Variants in CCSER1 observed in about 807,000 individuals in gnomAD.
CCSER1 encodes coiled-coil serine rich protein 1, also known as serine-rich coiled-coil domain-containing protein 1.
A neutral mutation model predicts 82.0 loss-of-function variants in CCSER1; 41 were observed. The observed-to-expected ratio is 0.50, with a 90% CI of 0.39 to 0.65. The LOEUF is 0.65. Ranked by LOEUF, CCSER1 falls within the 30% of genes least tolerant of loss-of-function variation. The pLI is 0.00. For missense variants in CCSER1, 1,119 were observed against 1,064.2 expected (o/e 1.05, Z -0.72); for synonymous variants, 414 against 383.9 (o/e 1.08, Z -0.92).
chr4:91,245,661 T>G (rs2063591844), intron 10 of CCSER1, among the ~76,000 whole-genome samples: 1 of 152,146 alleles, frequency 6.6e-6, no homozygotes, highest in Admixed American at 6.5e-5. Flanking sequence ...TATTTCAATC[T>G]GAAAGAAAAC....
At chr4:90,741,693 T>A (rs1465449352) in intron 7 of CCSER1, among the ~76,000 whole-genome samples, 1 of 152,244 alleles carries the variant, frequency 6.6e-6, no homozygotes. Context: ...TTTCAAATAT[T>A]ACTTCACAGT....
At chr4:91,370,765 G>T (rs1284755975) in intron 10 of CCSER1, among the ~76,000 whole-genome samples, 1 of 152,076 alleles carries the variant, frequency 6.6e-6, no homozygotes, top group Non-Finnish European at 1.5e-5. Flanking sequence ...CGGCACATGA[G>T]ATATTTTGAC....
intron 10 of CCSER1, among the ~76,000 whole-genome samples, chr4:91,341,465 G>GA (rs1011873793): frequency 1.3e-5 from 2 of 152,234 alleles, no homozygotes; most frequent in African/African-American, 2.4e-5. Flanking sequence ...TTCTGATAGA[G>GA]AAAAAAATTG....
chr4:90,267,323 A>T (rs1303731812), intron 1 of CCSER1, among the ~76,000 whole-genome samples: 1 of 152,112 alleles, frequency 6.6e-6, no homozygotes, highest in Admixed American at 6.5e-5. Flanking sequence ...GCTCAGCCAC[A>T]GTAGAACAGA....
Position 90,231,151 on chromosome 4 carries a change from C to T in CCSER1, c.-41-77093C>T, listed in dbSNP as rs537494285. ...GCCAGCATCATCCTGATAGCAAAGC[C>T]GGGCAGAGACACAACCAAAAAAGAC... On this transcript the variant is annotated intron_variant, in intron 1 of 10. Coordinates refer to ENST00000509176, the MANE Select transcript of CCSER1 (RefSeq NM_001145065.2). Among the ~76,000 whole-genome samples the T allele has an allele frequency of 1.6e-3, 240 of 152,052 alleles. 2 individuals are homozygous for T. The highest frequency in any genetic ancestry group is 5.4e-3 in the African/African-American group (224 of 41,458).
intron 9 of CCSER1, among the ~76,000 whole-genome samples, chr4:91,051,023 C>A (rs1040396660): frequency 6.6e-6 from 1 of 152,010 alleles, no homozygotes; most frequent in Non-Finnish European, 1.5e-5. Context: ...GAATTTCATG[C>A]CATATATGAG....
At chr4:91,580,581 C>T (rs1434686415) in intron 10 of CCSER1, among the ~76,000 whole-genome samples, 5 of 151,698 alleles carry the variant, frequency 3.3e-5, no homozygotes, top group Non-Finnish European at 5.9e-5. Context: ...ATTGATGGTA[C>T]CTGGTGAACA....
chr4:91,490,912 ATATATATAT>A (rs1758493933), intron 10 of CCSER1, among the ~76,000 whole-genome samples: 1 of 83,348 alleles, frequency 1.2e-5, no homozygotes, highest in Non-Finnish European at 2.3e-5. Flanking sequence ...ATATATATAT[ATATATATAT>A]ATATATAAAA....
chr4:90,359,513 G>A (rs1744914882), intron 3 of CCSER1, among the ~76,000 whole-genome samples: 1 of 151,980 alleles, frequency 6.6e-6, no homozygotes, highest in African/African-American at 2.4e-5. Context: ...GCTGAGGTGG[G>A]TGGATCATGA....
chr4:90,757,338 A>G (rs926660962), intron 7 of CCSER1, among the ~76,000 whole-genome samples: 2 of 152,226 alleles, frequency 1.3e-5, no homozygotes, highest in Admixed American at 1.3e-4. Flanking sequence ...GTCCTTTTAA[A>G]GGTTAAAGCA....
chr4:91,542,383 T>G (rs575575738), intron 10 of CCSER1, among the ~76,000 whole-genome samples: 147 of 152,300 alleles, frequency 9.7e-4, no homozygotes, highest in African/African-American at 3.1e-3. Context: ...AAGTCTTTAA[T>G]CCATCTTGAA....
chr4:90,464,781 GT>G (rs1361742579), intron 4 of CCSER1, among the ~76,000 whole-genome samples: 1 of 152,134 alleles, frequency 6.6e-6, no homozygotes, highest in Admixed American at 6.5e-5. Context: ...ACTGTCTCAT[GT>G]TTTTTATATT....
chr4:90,221,331 A>T (rs1351769123), intron 1 of CCSER1, among the ~76,000 whole-genome samples: 1 of 152,166 alleles, frequency 6.6e-6, no homozygotes, highest in Non-Finnish European at 1.5e-5. Context: ...TTTGAAAATC[A>T]TTCAGAGCTA....
At chr4:90,468,876 A>T (rs1341944657) in intron 5 of CCSER1, among the ~76,000 whole-genome samples, 1 of 152,128 alleles carries the variant, frequency 6.6e-6, no homozygotes, top group Admixed American at 6.5e-5. Context: ...TTGATCTTCT[A>T]TTATATAAAT....
chr4:90,421,313 T>C (rs1166657935), intron 4 of CCSER1, among the ~76,000 whole-genome samples: 1 of 152,180 alleles, frequency 6.6e-6, no homozygotes, highest in Non-Finnish European at 1.5e-5. Flanking sequence ...ATGATGGAAT[T>C]GGGAAACTCT....
At chr4:91,074,544 G>A (rs927537928) in intron 9 of CCSER1, among the ~76,000 whole-genome samples, 1 of 152,180 alleles carries the variant, frequency 6.6e-6, no homozygotes, top group African/African-American at 2.4e-5. Flanking sequence ...AAGTTATACA[G>A]TTTTTAAGAC....
At chr4:90,269,205 C>T (rs562394738) in intron 1 of CCSER1, among the ~76,000 whole-genome samples, 1 of 152,174 alleles carries the variant, frequency 6.6e-6, no homozygotes, top group African/African-American at 2.4e-5. Context: ...TTTTACAGAA[C>T]ATTTCATGCA....
intron 10 of CCSER1, among the ~76,000 whole-genome samples, chr4:91,595,771 A>G (rs1483521121): frequency 2.0e-5 from 3 of 151,960 alleles, no homozygotes; most frequent in East Asian, 1.9e-4. Flanking sequence ...GAACAGCCCT[A>G]TTTCACATGA....
intron 10 of CCSER1, among the ~76,000 whole-genome samples, chr4:91,557,072 T>G (rs61510066): frequency 6.7e-6 from 1 of 148,602 alleles, no homozygotes. Flanking sequence ...TTTAGAATAA[T>G]GTAGGGAAAG....
Sources: gnomAD v4.1 joint callset for allele counts (sites outside exome capture counted in the v4.1 genomes callset) on GRCh38, gnomAD v4.1.1 for gene constraint, MANE v1.5 for transcripts, NCBI Gene and HGNC (gene_info 2026-07-23, HGNC 2026-07-21) for gene names.